Variants in UBE2E2 observed in about 807,000 individuals in gnomAD.
UBE2E2 encodes the protein ubiquitin conjugating enzyme E2 E2, also known as ubiquitin-conjugating enzyme E2 E2.
Under a neutral mutation model 24.7 loss-of-function variants are expected in UBE2E2, and 6 were observed. The ratio of observed to expected loss-of-function variants is 0.24; its 90% CI spans 0.13 to 0.48. The LOEUF is 0.48. Ranked by LOEUF, UBE2E2 falls within the 20% of genes least tolerant of loss-of-function variation. UBE2E2 has a pLI of 0.99. For synonymous variants in UBE2E2, 104 were observed against 83.6 expected, an observed-to-expected ratio of 1.24 and a Z score of -1.33; for missense variants, 169 against 245.0, an observed-to-expected ratio of 0.69 and a Z score of 2.07.
chr3:23,584,615 G>A lies in UBE2E2; in HGVS notation c.509-5119G>A, dbSNP rs568833050. Among the ~76,000 whole-genome samples the A allele has an allele frequency of 5.2e-4, 79 of 151,246 alleles. 1 individual carries two copies. The highest frequency in any genetic ancestry group is 1.9e-3 in the East Asian group (10 of 5,168). On this transcript the variant is annotated intron_variant, in intron 5 of 5. Coordinates refer to ENST00000396703, the MANE Select transcript of UBE2E2 (RefSeq NM_152653.4). Reference sequence around the variant, plus strand: ...TTTCGCCCAGCTGGAGTACAGTGGCGCAATCATGGCTCACTGTAATCACGA... The same window carrying A: ...TTTCGCCCAGCTGGAGTACAGTGGCACAATCATGGCTCACTGTAATCACGA...
chr3:23,564,423 T>C (rs1422074279), intron 5 of UBE2E2, among the ~76,000 whole-genome samples: 1 of 152,148 alleles, frequency 6.6e-6, no homozygotes, highest in African/African-American at 2.4e-5. Flanking sequence ...AATTTAAATA[T>C]GGCTGTATAA....
chr3:23,514,490 A>G (rs1332507545), intron 4 of UBE2E2, among the ~76,000 whole-genome samples: 2 of 152,182 alleles, frequency 1.3e-5, no homozygotes, highest in Non-Finnish European at 2.9e-5. Flanking sequence ...TCCCATATCT[A>G]ATCATATCTA....
At chr3:23,547,312 G>C (rs560789933) in intron 5 of UBE2E2, among the ~76,000 whole-genome samples, 1 of 152,220 alleles carries the variant, frequency 6.6e-6, no homozygotes, top group South Asian at 2.1e-4. Flanking sequence ...TCCCAGGCAG[G>C]GATTTACCAC....
chr3:23,338,076 G>A (rs1695262065), intron 3 of UBE2E2, among the ~76,000 whole-genome samples: 1 of 152,134 alleles, frequency 6.6e-6, no homozygotes, highest in South Asian at 2.1e-4. Context: ...GATTACTTAA[G>A]ATTTCTTCCT....
chr3:23,390,569 G>A (rs758222709), intron 3 of UBE2E2, among the ~76,000 whole-genome samples: 2 of 152,174 alleles, frequency 1.3e-5, no homozygotes, highest in Non-Finnish European at 2.9e-5. Context: ...GTACCAAGAG[G>A]GCAGAGTGTA....
chr3:23,526,419 AG>A (rs1179144674), intron 4 of UBE2E2, among the ~76,000 whole-genome samples: 1 of 152,182 alleles, frequency 6.6e-6, no homozygotes, highest in African/African-American at 2.4e-5. Context: ...AAACAATAAG[AG>A]GTTATAACCC....
chr3:23,541,141 T>G (rs561870458), intron 5 of UBE2E2, among the ~76,000 whole-genome samples: 2 of 152,348 alleles, frequency 1.3e-5, no homozygotes, highest in Non-Finnish European at 2.9e-5. Flanking sequence ...TACTTAAGAT[T>G]GTACAGTATC....
chr3:23,542,217 A>T (rs1456058354), intron 5 of UBE2E2, among the ~76,000 whole-genome samples: 5 of 152,200 alleles, frequency 3.3e-5, no homozygotes, highest in Non-Finnish European at 4.4e-5. Context: ...GTAATAGCCT[A>T]CTAGGGATGG....
At chr3:23,258,623 G>T (rs1697804836) in intron 3 of UBE2E2, among the ~76,000 whole-genome samples, 1 of 152,114 alleles carries the variant, frequency 6.6e-6, no homozygotes, top group African/African-American at 2.4e-5. Flanking sequence ...GTCGGGTGTG[G>T]TGGCTCACGC....
intron 3 of UBE2E2, among the ~76,000 whole-genome samples, chr3:23,418,432 A>C (rs970493496): frequency 1.4e-4 from 21 of 152,156 alleles, no homozygotes; most frequent in African/African-American, 5.1e-4. Context: ...TGCAGAAATC[A>C]CCCACCTTCC....
At chr3:23,379,703 G>A (rs982452215) in intron 3 of UBE2E2, among the ~76,000 whole-genome samples, 2 of 151,922 alleles carry the variant, frequency 1.3e-5, no homozygotes, top group Non-Finnish European at 2.9e-5. Context: ...ATTTTCTCTC[G>A]GACATGGTAC....
chr3:23,585,245 G>C (rs1390677200), intron 5 of UBE2E2, among the ~76,000 whole-genome samples: 1 of 151,710 alleles, frequency 6.6e-6, no homozygotes, highest in Non-Finnish European at 1.5e-5. Flanking sequence ...GCTACTGTGT[G>C]CCTGTAGTCC....
intron 5 of UBE2E2, among the ~76,000 whole-genome samples, chr3:23,577,308 T>G (rs537289533): frequency 1.5e-4 from 22 of 150,598 alleles, no homozygotes; most frequent in Admixed American, 1.2e-3. Flanking sequence ...AAAGTGCTAC[T>G]TTGATGAACA....
At chr3:23,317,305 A>G (rs1026381254) in intron 3 of UBE2E2, among the ~76,000 whole-genome samples, 6 of 152,124 alleles carry the variant, frequency 3.9e-5, no homozygotes, top group Non-Finnish European at 5.9e-5. Context: ...GCTGGTCTCA[A>G]TGCCTTCTTC....
intron 3 of UBE2E2, among the ~76,000 whole-genome samples, chr3:23,271,569 A>G (rs1220748048): frequency 6.6e-6 from 1 of 152,048 alleles, no homozygotes; most frequent in East Asian, 1.9e-4. Context: ...TGATTGGTCC[A>G]TTTTACAGAG....
intron 2 of UBE2E2, among the ~76,000 whole-genome samples, chr3:23,215,828 T>A (rs1273434645): frequency 6.6e-6 from 1 of 152,200 alleles, no homozygotes; most frequent in Non-Finnish European, 1.5e-5. Context: ...TAACCTGGAC[T>A]TAGCCACTGA....
chr3:23,312,061 C>A (rs1375717932), intron 3 of UBE2E2, among the ~76,000 whole-genome samples: 1 of 152,174 alleles, frequency 6.6e-6, no homozygotes, highest in South Asian at 2.1e-4. Context: ...CTTGCCAGAT[C>A]TGGTTGTTTA....
intron 3 of UBE2E2, among the ~76,000 whole-genome samples, chr3:23,497,314 C>A (rs1452018686): frequency 6.6e-6 from 1 of 152,104 alleles, no homozygotes; most frequent in South Asian, 2.1e-4. Context: ...GAAAAATATG[C>A]GAGAACTGAG....
At chr3:23,235,146 C>G (rs1159382462) in intron 3 of UBE2E2, among the ~76,000 whole-genome samples, 1 of 152,152 alleles carries the variant, frequency 6.6e-6, no homozygotes, top group Non-Finnish European at 1.5e-5. Flanking sequence ...CAGACTGGAA[C>G]TTGTTTAAAA....
Sources: gnomAD v4.1 joint callset for allele counts (sites outside exome capture counted in the v4.1 genomes callset) on GRCh38, gnomAD v4.1.1 for gene constraint, MANE v1.5 for transcripts, NCBI Gene and HGNC (gene_info 2026-07-23, HGNC 2026-07-21) for gene names.